Variants in BLTP3B observed in about 807,000 individuals in gnomAD.
BLTP3B encodes UHRF1 (ICBP90) binding protein 1-like.
chr12:100,058,982 C>T, the BLTP3B span: 4 of 1,614,020 alleles, frequency 2.5e-6, no homozygotes, highest in South Asian at 4.4e-5. Flanking sequence ...AGAGCTTCTT[C>T]CGCTTCAATC....
the BLTP3B span, among the ~76,000 whole-genome samples, chr12:100,089,334 G>T: frequency 2.0e-5 from 3 of 152,130 alleles, no homozygotes; most frequent in Non-Finnish European, 2.9e-5. Context: ...CGAGGCAGGC[G>T]AATCATCTGA....
At chr12:100,057,600 CCATCACTTT>C in the BLTP3B span, 2 of 1,610,500 alleles carry the variant, frequency 1.2e-6, no homozygotes, top group Admixed American at 3.4e-5. Flanking sequence ...GCTATCACTT[CCATCACTTT>C]CTAATAACTG....
chr12:100,068,192 C>G, the BLTP3B span, among the ~76,000 whole-genome samples: 1 of 152,122 alleles, frequency 6.6e-6, no homozygotes, highest in East Asian at 1.9e-4. Context: ...GAAGTAAACC[C>G]AAATACTTAC....
the BLTP3B span, among the ~76,000 whole-genome samples, chr12:100,061,618 C>A: frequency 7.0e-6 from 1 of 143,546 alleles, no homozygotes; most frequent in Non-Finnish European, 1.5e-5. Context: ...GATCGCGCCA[C>A]TGCACTCCAG....
the BLTP3B span, among the ~76,000 whole-genome samples, chr12:100,113,404 AG>A: frequency 6.6e-6 from 1 of 152,060 alleles, no homozygotes; most frequent in Non-Finnish European, 1.5e-5. Flanking sequence ...CAGAGGTTGC[AG>A]TGAGCTGAGA....
chr12:100,128,287 C>A, the BLTP3B span, among the ~76,000 whole-genome samples: 1 of 151,954 alleles, frequency 6.6e-6, no homozygotes, highest in Non-Finnish European at 1.5e-5. Context: ...CAGGAAGTTA[C>A]AAAACTCTCT....
At chr12:100,068,286 G>C in the BLTP3B span, among the ~76,000 whole-genome samples, 1 of 152,202 alleles carries the variant, frequency 6.6e-6, no homozygotes, top group Non-Finnish European at 1.5e-5. Context: ...GGGATAACTG[G>C]CTAACCATAT....
At chr12:100,123,121 C>G in the BLTP3B span, among the ~76,000 whole-genome samples, 3,337 of 152,218 alleles carry the variant, frequency 0.022, 43 homozygotes, top group African/African-American at 0.035. Flanking sequence ...AGATCAGCTC[C>G]AAGAGAGCAG....
At chr12:100,060,106 C>T in the BLTP3B span, 3 of 1,240,568 alleles carry the variant, frequency 2.4e-6, no homozygotes, top group South Asian at 1.9e-5. Flanking sequence ...TCCCTGAGAA[C>T]AAAAAATACA....
chr12:100,077,954 A>G, the BLTP3B span, among the ~76,000 whole-genome samples: 1 of 152,096 alleles, frequency 6.6e-6, no homozygotes, highest in Non-Finnish European at 1.5e-5. Context: ...GGCATTTTAG[A>G]TCCTTCCACA....
chr12:100,044,666 A>G, the BLTP3B span, among the ~76,000 whole-genome samples: 3 of 152,152 alleles, frequency 2.0e-5, no homozygotes, highest in Non-Finnish European at 4.4e-5. Flanking sequence ...AAGAACTCAC[A>G]TCAGATTATA....
chr12:100,060,668 C>G, the BLTP3B span, among the ~76,000 whole-genome samples: 1 of 152,212 alleles, frequency 6.6e-6, no homozygotes, highest in Admixed American at 6.5e-5. Context: ...AATGAATTCA[C>G]TCTTTCATAG....
At chr12:100,042,999 A>G in the BLTP3B span, among the ~76,000 whole-genome samples, 2 of 152,168 alleles carry the variant, frequency 1.3e-5, no homozygotes, top group Non-Finnish European at 2.9e-5. Flanking sequence ...GGGTTTCACC[A>G]TGTTGGCCAG....
At chr12:100,101,112 T>G in the BLTP3B span, among the ~76,000 whole-genome samples, 1 of 152,324 alleles carries the variant, frequency 6.6e-6, no homozygotes, top group Admixed American at 6.5e-5. Context: ...AACTATTCTA[T>G]GAAAACTGAA....
chr12:100,050,163 C>T, the BLTP3B span: 4 of 1,447,526 alleles, frequency 2.8e-6, no homozygotes, highest in African/African-American at 1.5e-5. Flanking sequence ...AAAAAAAAAA[C>T]TTACCAACTG....
At chr12:100,048,735 G>GGAGAGAGAGA in the BLTP3B span, among the ~76,000 whole-genome samples, 6 of 119,592 alleles carry the variant, frequency 5.0e-5, no homozygotes, top group African/African-American at 1.0e-4. Context: ...GTAAGGGGGG[G>GGAGAGAGAGA]GAGAGAGAGA....
At chr12:100,095,378 G>A in the BLTP3B span, among the ~76,000 whole-genome samples, 1 of 152,080 alleles carries the variant, frequency 6.6e-6, no homozygotes, top group Non-Finnish European at 1.5e-5. Context: ...TACTTTAGTA[G>A]TTTTAAAACT....
At chr12:100,042,612 T>C in the BLTP3B span, among the ~76,000 whole-genome samples, 2 of 152,194 alleles carry the variant, frequency 1.3e-5, no homozygotes, top group Non-Finnish European at 2.9e-5. Flanking sequence ...TGGACTCTTA[T>C]ACAGGACATC....
the BLTP3B span, among the ~76,000 whole-genome samples, chr12:100,132,778 T>C: frequency 1.3e-5 from 2 of 151,098 alleles, no homozygotes; most frequent in Non-Finnish European, 2.9e-5. Flanking sequence ...TGAAACCCCA[T>C]CTCTACTAAA....
Sources: allele counts gnomAD v4.1 joint callset (sites outside exome capture counted in the v4.1 genomes callset), GRCh38; gene constraint gnomAD v4.1.1; transcripts MANE v1.5; gene names NCBI Gene and HGNC (gene_info 2026-07-23, HGNC 2026-07-21).